The following PACRG variants were observed in gnomAD, a reference collection of about 807,000 sequenced individuals.
PACRG encodes parkin coregulated.
PACRG carries 29 observed loss-of-function variants against 29.7 expected under a neutral mutation model. That is an observed-to-expected ratio of 0.98 (90% CI 0.73 to 1.33). The LOEUF (loss-of-function observed/expected upper bound fraction) is 1.33. Ranked by LOEUF, PACRG falls within the 40% of genes most tolerant of loss-of-function variation. The pLI, the probability that PACRG is intolerant of heterozygous loss-of-function variation, is 0.00. For missense variants in PACRG, 279 were observed against 316.2 expected, an observed-to-expected ratio of 0.88 and a Z score of 0.89; for synonymous variants, 116 against 118.7, an observed-to-expected ratio of 0.98 and a Z score of 0.15.
At chr6:163,123,740 G>T (rs1816401258) in intron 4 of PACRG, among the ~76,000 whole-genome samples, 1 of 152,130 alleles carries the variant, frequency 6.6e-6, no homozygotes. Flanking sequence ...CCATATAAGA[G>T]GAATCACTCA....
At position 163,173,940 on chromosome 6, in the gene PACRG, C is replaced by G. The variant is rs1437162309; in HGVS notation, c.613+84532C>G. On this transcript the variant is annotated intron_variant, in intron 4 of 4. Transcript: ENST00000366888. ...AAGGACGTCATTGTTCCCTGGAGCA[C>G]GTATCAGCTGCACAGTTATGACTCA... is the stretch of plus-strand genomic sequence containing the variant. Among the ~76,000 whole-genome samples, 7 of 152,312 alleles carry G rather than the reference C, an allele frequency of 4.6e-5. No homozygotes were observed. The South Asian group carries it at 1.2e-3, about 27-fold the overall frequency.
At chr6:163,119,180 A>C (rs760271528) in intron 4 of PACRG, among the ~76,000 whole-genome samples, 2 of 152,214 alleles carry the variant, frequency 1.3e-5, no homozygotes, top group African/African-American at 4.8e-5. Flanking sequence ...AGGGCCACAG[A>C]GGGGACAACT....
chr6:163,132,656 A>G (rs1816785355), intron 4 of PACRG, among the ~76,000 whole-genome samples: 1 of 152,206 alleles, frequency 6.6e-6, no homozygotes, highest in African/African-American at 2.4e-5. Context: ...CCTGAGACAT[A>G]ACCCACTTCT....
chr6:163,151,426 C>T (rs539683555), intron 4 of PACRG, among the ~76,000 whole-genome samples: 1 of 152,326 alleles, frequency 6.6e-6, no homozygotes, highest in Admixed American at 6.5e-5. Flanking sequence ...ATGTTCCCGT[C>T]CTCATCGGCA....
chr6:162,885,444 A>G (rs1326816533), intron 2 of PACRG, among the ~76,000 whole-genome samples: 2 of 151,772 alleles, frequency 1.3e-5, no homozygotes, highest in African/African-American at 4.8e-5. Context: ...TAGTTTTTGT[A>G]TTTTTTGGTA....
chr6:162,866,597 T>C (rs552465954), intron 2 of PACRG, among the ~76,000 whole-genome samples: 1 of 151,868 alleles, frequency 6.6e-6, no homozygotes, highest in African/African-American at 2.4e-5. Flanking sequence ...TCAAGAGAGG[T>C]TTACCAAATA....
chr6:163,238,223 A>G (rs879140844), intron 4 of PACRG, among the ~76,000 whole-genome samples: 1 of 152,248 alleles, frequency 6.6e-6, no homozygotes, highest in African/African-American at 2.4e-5. Context: ...GTTTTGTATT[A>G]TATCTTAAAT....
chr6:162,806,864 G>C (rs1786384708), intron 1 of PACRG, among the ~76,000 whole-genome samples: 1 of 152,156 alleles, frequency 6.6e-6, no homozygotes, highest in Non-Finnish European at 1.5e-5. Context: ...ATCCTCAGTA[G>C]CTTTAGCAGC....
intron 4 of PACRG, among the ~76,000 whole-genome samples, chr6:163,109,461 GGTAGCCACCA>G (rs1815588920): frequency 6.6e-6 from 1 of 152,176 alleles, no homozygotes; most frequent in African/African-American, 2.4e-5. Context: ...TCTAGGAACA[GGTAGCCACCA>G]GTCCAAAAGA....
intron 4 of PACRG, among the ~76,000 whole-genome samples, chr6:163,172,337 A>G (rs2128347898): frequency 6.6e-6 from 1 of 152,350 alleles, no homozygotes; most frequent in Non-Finnish European, 1.5e-5. Context: ...TACCAAAAAT[A>G]CAACAAAGAT....
At chr6:163,249,712 C>T (rs1389843597) in intron 4 of PACRG, among the ~76,000 whole-genome samples, 2 of 152,228 alleles carry the variant, frequency 1.3e-5, no homozygotes, top group African/African-American at 4.8e-5. Context: ...GGTTTCCTGG[C>T]AGCAGAAGTT....
At chr6:163,233,698 G>A (rs1302716865) in intron 4 of PACRG, among the ~76,000 whole-genome samples, 1 of 152,174 alleles carries the variant, frequency 6.6e-6, no homozygotes, top group African/African-American at 2.4e-5. Context: ...GGAGAAAATG[G>A]AAATATTTGA....
intron 2 of PACRG, among the ~76,000 whole-genome samples, chr6:163,033,420 T>G (rs1044271530): frequency 6.6e-6 from 1 of 152,224 alleles, no homozygotes; most frequent in African/African-American, 2.4e-5. Context: ...CTTAAAGCAT[T>G]TAGTAAACTT....
intron 4 of PACRG, among the ~76,000 whole-genome samples, chr6:163,191,225 A>C (rs985668003): frequency 4.6e-5 from 7 of 152,194 alleles, no homozygotes; most frequent in African/African-American, 1.7e-4. Context: ...ACATAAATAA[A>C]AGCAATAATT....
At chr6:163,050,329 A>T (rs1277651987) in intron 2 of PACRG, among the ~76,000 whole-genome samples, 1 of 152,122 alleles carries the variant, frequency 6.6e-6, no homozygotes, top group Non-Finnish European at 1.5e-5. Context: ...CTTTATCCTC[A>T]TCTCTTTCAA....
At chr6:162,930,512 C>T (rs112363646) in intron 2 of PACRG, among the ~76,000 whole-genome samples, 2 of 151,842 alleles carry the variant, frequency 1.3e-5, no homozygotes, top group African/African-American at 2.4e-5. Context: ...TTAGGCTTTT[C>T]TATATATAAT....
intron 1 of PACRG, among the ~76,000 whole-genome samples, chr6:162,728,726 G>C (rs1779489291): frequency 1.3e-5 from 2 of 152,144 alleles, no homozygotes; most frequent in Admixed American, 6.5e-5. Context: ...ACTCAGCAAA[G>C]GGCCTTATAG....
At chr6:162,780,429 C>T (rs972406774) in intron 1 of PACRG, among the ~76,000 whole-genome samples, 21 of 151,998 alleles carry the variant, frequency 1.4e-4, no homozygotes, top group African/African-American at 5.1e-4. Context: ...ATAAATTAAC[C>T]ATGATCCAAA....
chr6:163,307,107 C>T (rs565276552), intron 4 of PACRG, among the ~76,000 whole-genome samples: 2 of 152,278 alleles, frequency 1.3e-5, no homozygotes, highest in South Asian at 4.1e-4. Flanking sequence ...AATGAATCTA[C>T]TTTGCAGTTG....
Sources: gnomAD v4.1 joint callset for allele counts (sites outside exome capture counted in the v4.1 genomes callset) on GRCh38, gnomAD v4.1.1 for gene constraint, MANE v1.5 for transcripts, NCBI Gene and HGNC (gene_info 2026-07-23, HGNC 2026-07-21) for gene names.